SLX4IP: variants seen among roughly 807,000 people sequenced by gnomAD.
SLX4IP encodes the protein SLX4 interacting protein.
SLX4IP carries 34 observed loss-of-function variants against 32.9 expected under a neutral mutation model. That is an observed-to-expected ratio of 1.03 (90% CI 0.79 to 1.38). The LOEUF (loss-of-function observed/expected upper bound fraction) is 1.38, where lower values mean the gene tolerates loss of function less well. Ranked by LOEUF, SLX4IP falls within the 40% of genes most tolerant of loss-of-function variation. The pLI is 0.00. For synonymous variants in SLX4IP, 172 were observed against 171.7 expected, an observed-to-expected ratio of 1.00 and a Z score of -0.01; for missense variants, 444 against 479.0, an observed-to-expected ratio of 0.93 and a Z score of 0.68.
chr20:10,436,106 T>C (rs1310394090), intron 1 of SLX4IP, among the ~76,000 whole-genome samples: 1 of 152,198 alleles, frequency 6.6e-6, no homozygotes, highest in Non-Finnish European at 1.5e-5. Context: ...GACACTTACT[T>C]CTTGGATCCT....
intron 2 of SLX4IP, among the ~76,000 whole-genome samples, chr20:10,525,522 A>G (rs2065933913): frequency 6.6e-6 from 1 of 152,194 alleles, no homozygotes; most frequent in Non-Finnish European, 1.5e-5. Context: ...CGAACTATAT[A>G]CCATGAATAC....
chr20:10,588,369 G>T (rs1456967845), intron 4 of SLX4IP, among the ~76,000 whole-genome samples: 1 of 152,176 alleles, frequency 6.6e-6, no homozygotes, highest in African/African-American at 2.4e-5. Context: ...TGGTGAAGGT[G>T]TGGAGAAAAG....
chr20:10,571,456 C>G (rs1031974483), intron 4 of SLX4IP, among the ~76,000 whole-genome samples: 2 of 152,206 alleles, frequency 1.3e-5, no homozygotes, highest in East Asian at 3.9e-4. Context: ...CTGTCTCACC[C>G]TGGGCTTCTG....
At chr20:10,514,130 A>T (rs2065831785) in intron 2 of SLX4IP, among the ~76,000 whole-genome samples, 1 of 152,218 alleles carries the variant, frequency 6.6e-6, no homozygotes, top group Non-Finnish European at 1.5e-5. Flanking sequence ...ATTCAAAGAA[A>T]AGTGCAAAGA....
chr20:10,529,701 C>T (rs1684417995), intron 2 of SLX4IP, among the ~76,000 whole-genome samples: 1 of 151,242 alleles, frequency 6.6e-6, no homozygotes, highest in Non-Finnish European at 1.5e-5. Context: ...AGGAGGAACA[C>T]CAAAATCATT....
At chr20:10,610,619 GC>G (rs1303352105) in intron 6 of SLX4IP, among the ~76,000 whole-genome samples, 1 of 152,228 alleles carries the variant, frequency 6.6e-6, no homozygotes. Flanking sequence ...CCAGGTGCTA[GC>G]CCCTGTGCCA....
intron 2 of SLX4IP, among the ~76,000 whole-genome samples, chr20:10,466,684 C>A (rs1356455906): frequency 1.3e-5 from 2 of 152,076 alleles, no homozygotes; most frequent in East Asian, 3.9e-4. Context: ...TTCTTCCCAC[C>A]CATTCCAGGA....
At chr20:10,611,633 T>G (rs2066967691) in intron 6 of SLX4IP, among the ~76,000 whole-genome samples, 1 of 152,218 alleles carries the variant, frequency 6.6e-6, no homozygotes, top group African/African-American at 2.4e-5. Context: ...CAGGCCAGTT[T>G]CTGGAGTCAG....
At chr20:10,448,549 A>C (rs1417805132) in intron 1 of SLX4IP, among the ~76,000 whole-genome samples, 1 of 152,240 alleles carries the variant, frequency 6.6e-6, no homozygotes, top group African/African-American at 2.4e-5. Flanking sequence ...ATGCAAATCC[A>C]TGTAAGAGTG....
intron 4 of SLX4IP, among the ~76,000 whole-genome samples, chr20:10,598,071 G>T (rs538959680): frequency 2.6e-5 from 4 of 152,068 alleles, no homozygotes; most frequent in African/African-American, 9.7e-5. Context: ...AGATCTATTC[G>T]CAAGCTCCGA....
intron 4 of SLX4IP, among the ~76,000 whole-genome samples, chr20:10,589,781 T>A (rs1388376067): frequency 6.7e-6 from 1 of 149,744 alleles, no homozygotes; most frequent in Non-Finnish European, 1.5e-5. Flanking sequence ...TATATGTGAT[T>A]ATATATTTTG....
At chr20:10,622,015 G>A (rs559134274) in intron 7 of SLX4IP, among the ~76,000 whole-genome samples, 1 of 152,316 alleles carries the variant, frequency 6.6e-6, no homozygotes, top group South Asian at 2.1e-4. Context: ...TGTGCACGCT[G>A]TAAGGAGCAA....
chr20:10,475,258 C>A (rs1230853647), intron 2 of SLX4IP, among the ~76,000 whole-genome samples: 1 of 152,178 alleles, frequency 6.6e-6, no homozygotes, highest in Non-Finnish European at 1.5e-5. Flanking sequence ...TTGTTCAGCT[C>A]CTTCAGTGAT....
intron 2 of SLX4IP, among the ~76,000 whole-genome samples, chr20:10,460,687 T>C (rs1440879004): frequency 6.6e-6 from 1 of 152,168 alleles, no homozygotes; most frequent in Non-Finnish European, 1.5e-5. Context: ...TGGACTTCCA[T>C]TGATCAGAGC....
At chr20:10,522,621 C>A (rs1444181680) in intron 2 of SLX4IP, among the ~76,000 whole-genome samples, 1 of 152,138 alleles carries the variant, frequency 6.6e-6, no homozygotes, top group Non-Finnish European at 1.5e-5. Flanking sequence ...TAGCCAAGTG[C>A]CTTACCCTCA....
At chr20:10,535,322 G>A (rs1348277179) in intron 2 of SLX4IP, among the ~76,000 whole-genome samples, 2 of 152,098 alleles carry the variant, frequency 1.3e-5, no homozygotes, top group Non-Finnish European at 2.9e-5. Context: ...AGAACGTGCA[G>A]GTTTTGTTTG....
chr20:10,500,432 TC>T (rs1172806919), intron 2 of SLX4IP, among the ~76,000 whole-genome samples: 1 of 152,002 alleles, frequency 6.6e-6, no homozygotes, highest in Non-Finnish European at 1.5e-5. Flanking sequence ...GTGTTAAAGT[TC>T]TATGTGTGGT....
intron 3 of SLX4IP, among the ~76,000 whole-genome samples, chr20:10,559,183 C>G (rs1216555227): frequency 6.6e-6 from 1 of 151,138 alleles, no homozygotes; most frequent in Admixed American, 6.6e-5. Flanking sequence ...GTGAACAATG[C>G]CGAAACACTC....
chr20:10,575,542 A>T (rs1364186729), intron 4 of SLX4IP, among the ~76,000 whole-genome samples: 1 of 147,064 alleles, frequency 6.8e-6, no homozygotes, highest in Non-Finnish European at 1.5e-5. Context: ...AGCTCTCCCT[A>T]CCCCCCACCC....
Sources: allele counts gnomAD v4.1 joint callset (sites outside exome capture counted in the v4.1 genomes callset), GRCh38; gene constraint gnomAD v4.1.1; transcripts MANE v1.5; gene names NCBI Gene and HGNC (gene_info 2026-07-23, HGNC 2026-07-21).